SAMMSON: variants seen among roughly 807,000 people sequenced by gnomAD.
SAMMSON encodes the protein survival associated mitochondrial melanoma specific oncogenic non-coding RNA, also known as long intergenic non-protein coding RNA 1212.
intron 1 of SAMMSON, chr3:70,012,355 A>C (rs563334670): frequency 6.6e-6 from 1 of 152,056 alleles, no homozygotes; most frequent in Non-Finnish European, 1.5e-5. Context: ...TTGATTATCC[A>C]GGTGGGCTCA....
chr3:70,017,911 G>C (rs577972215), intron 3 of SAMMSON, among the ~76,000 whole-genome samples: 1 of 152,136 alleles, frequency 6.6e-6, no homozygotes, highest in Non-Finnish European at 1.5e-5. Context: ...TGTTGAACCA[G>C]CCTTGCATCC....
chr3:70,069,339 G>T (rs545919915), intron 3 of SAMMSON: 4 of 152,016 alleles, frequency 2.6e-5, no homozygotes, highest in Non-Finnish European at 4.4e-5. Flanking sequence ...CATCTACTTT[G>T]TGCCTACACT....
intron 4 of SAMMSON, among the ~76,000 whole-genome samples, chr3:70,247,902 T>G (rs981018619): frequency 6.6e-6 from 1 of 152,098 alleles, no homozygotes; most frequent in African/African-American, 2.4e-5. Flanking sequence ...GTTTCTGTTT[T>G]CTGTAGTAAA....
chr3:70,220,440 A>T (rs1406200858), intron 4 of SAMMSON, among the ~76,000 whole-genome samples: 2 of 145,678 alleles, frequency 1.4e-5, no homozygotes, highest in East Asian at 2.7e-4. Flanking sequence ...CTTACCTCTT[A>T]AAAAAAAAAA....
At chr3:70,077,268 T>C (rs1460315391) in intron 4 of SAMMSON, among the ~76,000 whole-genome samples, 1 of 152,218 alleles carries the variant, frequency 6.6e-6, no homozygotes, top group Non-Finnish European at 1.5e-5. Context: ...GCCCAAGATT[T>C]ATATTCATTT....
intron 4 of SAMMSON, among the ~76,000 whole-genome samples, chr3:70,134,112 T>A (rs1009086847): frequency 2.0e-5 from 3 of 147,512 alleles, no homozygotes; most frequent in African/African-American, 7.6e-5. Flanking sequence ...AAAAAAAAAT[T>A]AGCTGGGCAT....
intron 4 of SAMMSON, among the ~76,000 whole-genome samples, chr3:70,237,977 ATCTTTTTTT>A (rs901486664): frequency 7.7e-5 from 1 of 13,008 alleles, no homozygotes; most frequent in African/African-American, 4.9e-4. Flanking sequence ...ATTGAGTGGT[ATCTTTTTTT>A]TTTTTTTTTT....
chr3:70,323,517 T>C lies in SAMMSON; in HGVS notation n.740-30658T>C, dbSNP rs766463333. Among the ~76,000 whole-genome samples the C allele has an allele frequency of 1.4e-4, 22 of 152,184 alleles. 1 individual carries two copies. The highest frequency in any genetic ancestry group is 6.6e-5 in the Admixed American group (1 of 15,266). ...AGCTGGTACATGCAGCCATGCAGGC[T>C]GCGCACTGCAGAACTCCAGGGTGTG... On this transcript the variant is annotated intron_variant and non_coding_transcript_variant, in intron 7 of 9. Transcript: ENST00000642114.
chr3:70,001,746 A>G (rs1255741421), intron 1 of SAMMSON, among the ~76,000 whole-genome samples: 4 of 152,112 alleles, frequency 2.6e-5, no homozygotes, highest in African/African-American at 4.8e-5. Context: ...TATGCAACCC[A>G]GCTTATCTCT....
At chr3:70,161,320 C>T (rs1483284605) in intron 4 of SAMMSON, among the ~76,000 whole-genome samples, 1 of 151,908 alleles carries the variant, frequency 6.6e-6, no homozygotes, top group African/African-American at 2.4e-5. Context: ...TACGTAGATG[C>T]GCTTTATCAC....
intron 4 of SAMMSON, among the ~76,000 whole-genome samples, chr3:70,123,367 G>A (rs1448786457): frequency 1.3e-5 from 2 of 152,180 alleles, no homozygotes; most frequent in Non-Finnish European, 1.5e-5. Flanking sequence ...CCCGAGCTCA[G>A]GCAATTGATT....
rs2066923131 is a variant in SAMMSON at position 70,005,501 on chromosome 3, C to T, written n.22+5634C>T. 2.0e-5 allele frequency among the ~76,000 whole-genome samples: 3 copies of T among 152,132 alleles called. No homozygotes were observed. In the South Asian group the frequency reaches 6.2e-4, roughly 32 times the overall value. The stretch of plus-strand genomic sequence containing the variant: ...TGGCCCAAGCTTTTTTAGAGCGTGG[C>T]ATCTGGCTTTCTACATTCAAAGTGG... On this transcript the variant is annotated intron_variant and non_coding_transcript_variant, in intron 1 of 9. Transcript: ENST00000642114.
intron 3 of SAMMSON, among the ~76,000 whole-genome samples, chr3:70,048,793 G>A (rs75061558): frequency 3.3e-5 from 5 of 151,974 alleles, no homozygotes; most frequent in Non-Finnish European, 5.9e-5. Context: ...TGAATTGGTC[G>A]CTCTTATAGA....
At chr3:70,374,248 A>C (rs1303990865) in intron 9 of SAMMSON, among the ~76,000 whole-genome samples, 1 of 152,144 alleles carries the variant, frequency 6.6e-6, no homozygotes, top group Non-Finnish European at 1.5e-5. Context: ...AGATAATTAT[A>C]ACATTGTTGT....
chr3:70,125,771 T>G, intron 4 of SAMMSON: 1 of 655,768 alleles, frequency 1.5e-6, no homozygotes, highest in Non-Finnish European at 2.7e-6. Context: ...TTTATTTTTC[T>G]CTTTTTTCTC....
At chr3:70,378,035 T>C (rs983136160) in intron 9 of SAMMSON, among the ~76,000 whole-genome samples, 1 of 152,010 alleles carries the variant, frequency 6.6e-6, no homozygotes, top group Non-Finnish European at 1.5e-5. Flanking sequence ...TATGGAAATA[T>C]GTATTTCAAA....
At chr3:70,375,693 A>C (rs1703008653) in intron 9 of SAMMSON, among the ~76,000 whole-genome samples, 1 of 152,118 alleles carries the variant, frequency 6.6e-6, no homozygotes, top group Non-Finnish European at 1.5e-5. Context: ...CACCAGGTTT[A>C]AGAGTGTTTC....
intron 2 of SAMMSON, among the ~76,000 whole-genome samples, chr3:70,422,513 G>T (rs1196364614): frequency 6.6e-6 from 1 of 151,892 alleles, no homozygotes; most frequent in Non-Finnish European, 1.5e-5. Flanking sequence ...CTAATTTATT[G>T]TGTAATACTG....
intron 3 of SAMMSON, among the ~76,000 whole-genome samples, chr3:70,037,514 G>A (rs1297418781): frequency 1.3e-5 from 2 of 152,108 alleles, no homozygotes; most frequent in Non-Finnish European, 2.9e-5. Flanking sequence ...GCCAAGAGAT[G>A]GAGAGAGAAA....
Sources: gnomAD v4.1 joint callset for allele counts (sites outside exome capture counted in the v4.1 genomes callset) on GRCh38, gnomAD v4.1.1 for gene constraint, MANE v1.5 for transcripts, NCBI Gene and HGNC (gene_info 2026-07-23, HGNC 2026-07-21) for gene names.